GRIP1: variants seen among roughly 807,000 people sequenced by gnomAD.
GRIP1 encodes glutamate receptor-interacting protein 1.
Under a neutral mutation model 129.9 loss-of-function variants are expected in GRIP1, and 45 were observed. The ratio of observed to expected loss-of-function variants is 0.35; its 90% CI spans 0.27 to 0.44. GRIP1 has a LOEUF of 0.44. Among genes scored for constraint, GRIP1 ranks in the 20% least tolerant of loss-of-function variants. The pLI, the probability that GRIP1 is intolerant of heterozygous loss-of-function variation, is 1.00. For missense variants in GRIP1, 1,196 were observed against 1,396.8 expected, an observed-to-expected ratio of 0.86 and a Z score of 2.29; for synonymous variants, 530 against 520.8, an observed-to-expected ratio of 1.02 and a Z score of -0.24.
intron 15 of GRIP1, among the ~76,000 whole-genome samples, chr12:66,419,868 G>A (rs1305881826): frequency 6.6e-6 from 1 of 152,234 alleles, no homozygotes; most frequent in Non-Finnish European, 1.5e-5. Context: ...GGCTGAGGTG[G>A]GTGGATCACC....
At chr12:66,502,177 G>T (rs996789265) in intron 7 of GRIP1, among the ~76,000 whole-genome samples, 1 of 152,172 alleles carries the variant, frequency 6.6e-6, no homozygotes, top group Non-Finnish European at 1.5e-5. Flanking sequence ...CCTCTGAGAT[G>T]ATATAGTCTG....
intron 1 of GRIP1, among the ~76,000 whole-genome samples, chr12:66,916,284 C>T (rs2041120263): frequency 6.6e-6 from 1 of 152,204 alleles, no homozygotes; most frequent in Non-Finnish European, 1.5e-5. Context: ...CATCAACTCC[C>T]TGAGGCTGGA....
chr12:66,393,530 T>G (rs1353940760), intron 17 of GRIP1, among the ~76,000 whole-genome samples: 4 of 152,174 alleles, frequency 2.6e-5, no homozygotes, highest in Non-Finnish European at 5.9e-5. Flanking sequence ...GCTGTGTCTC[T>G]ATTTTGCTAG....
chr12:66,960,149 A>G (rs957836831), intron 1 of GRIP1, among the ~76,000 whole-genome samples: 17 of 152,198 alleles, frequency 1.1e-4, no homozygotes, highest in African/African-American at 3.9e-4. Flanking sequence ...ATGGAAGCAC[A>G]TGCAAGTGGC....
chr12:66,634,090 T>A (rs950989793), intron 1 of GRIP1, among the ~76,000 whole-genome samples: 1 of 152,242 alleles, frequency 6.6e-6, no homozygotes, highest in Non-Finnish European at 1.5e-5. Context: ...AGGCTTCTTT[T>A]CTTCTCCTCC....
At chr12:67,032,957 AT>A (rs1259168101) in intron 1 of GRIP1, among the ~76,000 whole-genome samples, 1 of 152,016 alleles carries the variant, frequency 6.6e-6, no homozygotes, top group Non-Finnish European at 1.5e-5. Context: ...AATTTACATT[AT>A]TTTTTCTTAC....
At chr12:66,717,165 C>T (rs1399946249) in intron 1 of GRIP1, among the ~76,000 whole-genome samples, 1 of 152,000 alleles carries the variant, frequency 6.6e-6, no homozygotes, top group African/African-American at 2.4e-5. Flanking sequence ...TTTATAACAG[C>T]CTGTTCTTAT....
chr12:66,741,751 A>G (rs2036794933), intron 1 of GRIP1, among the ~76,000 whole-genome samples: 1 of 152,200 alleles, frequency 6.6e-6, no homozygotes, highest in Non-Finnish European at 1.5e-5. Flanking sequence ...TGGACTAGCT[A>G]CATTTCAAAT....
intron 2 of GRIP1, among the ~76,000 whole-genome samples, chr12:66,548,300 A>G (rs1243606849): frequency 6.6e-6 from 1 of 152,208 alleles, no homozygotes; most frequent in Non-Finnish European, 1.5e-5. Context: ...CTGAGACACT[A>G]AAGGCTCTGT....
chr12:66,990,466 C>T (rs544029826), intron 1 of GRIP1, among the ~76,000 whole-genome samples: 1 of 152,166 alleles, frequency 6.6e-6, no homozygotes, highest in African/African-American at 2.4e-5. Context: ...AGGCACTCAT[C>T]TACCAATGGA....
intron 7 of GRIP1, among the ~76,000 whole-genome samples, chr12:66,485,282 G>A (rs182702373): frequency 5.3e-5 from 8 of 152,162 alleles, no homozygotes; most frequent in Admixed American, 1.3e-4. Flanking sequence ...GATGACTAAC[G>A]TAGTAGAGCA....
chr12:66,446,094 G>GCCTCCCCCCCCCCCCCC (rs1555185775), intron 11 of GRIP1, among the ~76,000 whole-genome samples: 1 of 140,400 alleles, frequency 7.1e-6, no homozygotes, highest in African/African-American at 2.9e-5. Flanking sequence ...CATTCCTCCT[G>GCCTCCCCCCCCCCCCCC]CCGCCCCCCA....
intron 3 of GRIP1, among the ~76,000 whole-genome samples, chr12:66,539,544 G>GTTTTTTTTTTTT (rs1250833017): frequency 8.9e-5 from 6 of 67,662 alleles, no homozygotes; most frequent in African/African-American, 3.7e-4. Context: ...ATCAAGAGAA[G>GTTTTTTTTTTTT]CTTTTTTTTT....
chr12:66,686,569 G>A (rs371437427), intron 1 of GRIP1, among the ~76,000 whole-genome samples: 2 of 152,186 alleles, frequency 1.3e-5, no homozygotes, highest in African/African-American at 4.8e-5. Flanking sequence ...TAACCTGCTT[G>A]CTGTTCCAGC....
chr12:66,733,886 G>T (rs2036515483), intron 1 of GRIP1, among the ~76,000 whole-genome samples: 1 of 152,136 alleles, frequency 6.6e-6, no homozygotes. Flanking sequence ...GGAGAGAGGA[G>T]CTCCTTTCAT....
chr12:67,067,228 T>C (rs1383507570), intron 1 of GRIP1, among the ~76,000 whole-genome samples: 1 of 152,126 alleles, frequency 6.6e-6, no homozygotes, highest in Non-Finnish European at 1.5e-5. Context: ...ACCAAGCAGA[T>C]TAGACAATCA....
chr12:66,554,103 T>C (rs911674463), intron 2 of GRIP1, among the ~76,000 whole-genome samples: 1 of 152,010 alleles, frequency 6.6e-6, no homozygotes, highest in African/African-American at 2.4e-5. Flanking sequence ...CTTGCACCAC[T>C]CCTCCCCCAA....
chr12:66,722,468 A>G (rs1469960098), intron 1 of GRIP1, among the ~76,000 whole-genome samples: 5 of 152,188 alleles, frequency 3.3e-5, no homozygotes, highest in Non-Finnish European at 5.9e-5. Flanking sequence ...CAAAACAATT[A>G]AAATAGTAAG....
chr12:66,854,679 G>T (rs1197084953), intron 1 of GRIP1, among the ~76,000 whole-genome samples: 1 of 152,014 alleles, frequency 6.6e-6, no homozygotes, highest in East Asian at 1.9e-4. Flanking sequence ...GAATTAAAAT[G>T]CTGCCTGGTA....
Sources: allele counts gnomAD v4.1 joint callset (sites outside exome capture counted in the v4.1 genomes callset), GRCh38; gene constraint gnomAD v4.1.1; transcripts MANE v1.5; gene names NCBI Gene and HGNC (gene_info 2026-07-23, HGNC 2026-07-21).